The following CSMD1 variants were observed in gnomAD, a reference collection of about 807,000 sequenced individuals.
CSMD1 encodes CUB and Sushi multiple domains 1.
CSMD1 carries 213 observed loss-of-function variants against 417.5 expected under a neutral mutation model. That is an observed-to-expected ratio of 0.51 (90% CI 0.46 to 0.57). CSMD1 has a LOEUF of 0.57. Among genes scored for constraint, CSMD1 ranks in the 20% least tolerant of loss-of-function variants. CSMD1 has a pLI of 0.00. For missense variants in CSMD1, 6,923 were observed against 4,529.7 expected (o/e 1.53, Z -15.17); for synonymous variants, 2,862 against 1,736.8 (o/e 1.65, Z -16.11).
chr8:4,092,260 A>G (rs1800760635), intron 3 of CSMD1, among the ~76,000 whole-genome samples: 1 of 152,134 alleles, frequency 6.6e-6, no homozygotes. Context: ...ACCTCCATTA[A>G]TTTGTTCCAA....
At chr8:3,820,576 T>C (rs889368966) in intron 5 of CSMD1, among the ~76,000 whole-genome samples, 2 of 152,108 alleles carry the variant, frequency 1.3e-5, no homozygotes, top group Non-Finnish European at 2.9e-5. Flanking sequence ...TTTGTTTTTG[T>C]TGTTGTTTGT....
Position 3,943,623 on chromosome 8 carries a change from A to G in CSMD1, c.818+54280T>C, listed in dbSNP as rs190019730. Among the ~76,000 whole-genome samples, 239 of 152,270 alleles carry G rather than the reference A, an allele frequency of 1.6e-3. 1 individual carries two copies. The highest frequency in any genetic ancestry group is 0.014 in the Admixed American group (220 of 15,286). On this transcript the variant is annotated intron_variant, in intron 5 of 69. Transcript: ENST00000635120. ...ATAGCTGGTAAACCCCATGTAACCA[A>G]GAGATCAAAGTTACTATCACAATTA...
In CSMD1 at chr8:3,110,180, C is replaced by G; in HGVS notation, c.6586G>C (p.Val2196Leu). ...TACCAAACAGCAATGTAATCGTTGACAGCTTCCGTCTGTAACAGGGTGAAG... is the reference window on the plus strand; with the variant it reads ...TACCAAACAGCAATGTAATCGTTGAGAGCTTCCGTCTGTAACAGGGTGAAG... ...INFTLLQTEA[V>L]NDYIAVWDGP... Residue 2196 changes from valine to leucine, a missense_variant, in exon 43 of 70, where the codon GTC becomes CTC. Physicochemically the swap from Val to Leu is conservative, Grantham distance 32. Coordinates refer to ENST00000635120, the MANE Select transcript of CSMD1 (RefSeq NM_033225.6). 3 of 1,608,676 alleles carry G rather than the reference C, an allele frequency of 1.9e-6. No homozygotes were observed. Among genetic ancestry groups the G allele is most frequent in the Non-Finnish European group, 2.5e-6 (3 of 1,177,770 alleles).
chr8:3,035,401 C>A (rs1810610626), intron 50 of CSMD1, among the ~76,000 whole-genome samples: 1 of 152,082 alleles, frequency 6.6e-6, no homozygotes, highest in Non-Finnish European at 1.5e-5. Flanking sequence ...TACAGAGGAG[C>A]AAGGAAGCCC....
At chr8:4,029,619 T>C (rs547538526) in intron 4 of CSMD1, among the ~76,000 whole-genome samples, 2 of 152,280 alleles carry the variant, frequency 1.3e-5, no homozygotes, top group South Asian at 4.1e-4. Flanking sequence ...GATGAGGTTT[T>C]GGTAGGGACA....
At chr8:3,285,666 T>C (rs1434620768) in intron 25 of CSMD1, among the ~76,000 whole-genome samples, 1 of 152,078 alleles carries the variant, frequency 6.6e-6, no homozygotes. Flanking sequence ...CCCAAAGTGC[T>C]GTGATTACAG....
intron 1 of CSMD1, among the ~76,000 whole-genome samples, chr8:4,675,291 G>A (rs1371815286): frequency 2.0e-5 from 3 of 152,116 alleles, no homozygotes; most frequent in East Asian, 1.9e-4. Context: ...GGCATTGTTG[G>A]AGCCTAAAGA....
chr8:3,089,266 G>A (rs573892548), intron 48 of CSMD1, among the ~76,000 whole-genome samples: 1 of 152,334 alleles, frequency 6.6e-6, no homozygotes, highest in African/African-American at 2.4e-5. Context: ...GACTGGGACA[G>A]GTGGATATTC....
intron 10 of CSMD1, among the ~76,000 whole-genome samples, chr8:3,509,851 A>T (rs1435825619): frequency 6.6e-6 from 1 of 152,180 alleles, no homozygotes; most frequent in Non-Finnish European, 1.5e-5. Context: ...AGCAATTATC[A>T]GGTTGGACCC....
chr8:4,031,974 C>G lies in CSMD1; in HGVS notation c.541G>C (p.Ala181Pro), dbSNP rs374230800. Residue 181 changes from alanine to proline, a missense_variant, in exon 4 of 70, where the codon GCC (alanine) becomes CCC (proline). By Grantham distance (27) the Ala-to-Pro change is conservative. Transcript: ENST00000635120. ...GGGCTGACGATGCAGGTCAGGATGG[C>G]GTGGCCTTCCAAGATGTAGCCAGGG... ...CLPGYILEGH[A>P]ILTCIVSPGN... 2 of 1,613,788 alleles carry G rather than the reference C, an allele frequency of 1.2e-6. No homozygotes were observed. The highest frequency in any genetic ancestry group is 4.5e-5 in the East Asian group (2 of 44,878).
chr8:4,048,834 C>G (rs141742607), intron 3 of CSMD1, among the ~76,000 whole-genome samples: 26 of 152,276 alleles, frequency 1.7e-4, no homozygotes, highest in African/African-American at 6.3e-4. Flanking sequence ...CAATAGTACA[C>G]CTTAGAAGCC....
In CSMD1 at chr8:4,981,577, T is replaced by C. The variant is rs181434110; in HGVS notation, c.85+12755A>G. ...CTTTTCCTACATTTATTATTTATGT[T>C]TGTTCTTCCTATAAAATACCTATTT... is the stretch of plus-strand genomic sequence containing the variant. On this transcript the variant is annotated intron_variant, in intron 1 of 69. Transcript: ENST00000635120. Among the ~76,000 whole-genome samples the C allele has an allele frequency of 3.3e-5, 5 of 152,332 alleles. No individual in the cohort carries two copies. In the East Asian group the frequency reaches 9.6e-4, roughly 29 times the overall value.
chr8:4,704,935 G>A (rs1191387504), intron 1 of CSMD1, among the ~76,000 whole-genome samples: 3 of 152,130 alleles, frequency 2.0e-5, no homozygotes, highest in Non-Finnish European at 4.4e-5. Flanking sequence ...AACTCCATGG[G>A]TAGTATGGTT....
intron 3 of CSMD1, among the ~76,000 whole-genome samples, chr8:4,168,234 C>G (rs773177802): frequency 3.3e-5 from 5 of 151,326 alleles, no homozygotes; most frequent in Non-Finnish European, 4.4e-5. Context: ...TACACAAACA[C>G]ACACAAAAAA....
chr8:4,345,353 T>A (rs1157677552), intron 3 of CSMD1, among the ~76,000 whole-genome samples: 1 of 152,154 alleles, frequency 6.6e-6, no homozygotes, highest in Admixed American at 6.6e-5. Flanking sequence ...TCCAATTTTG[T>A]TATTTTTGAC....
At chr8:3,683,278 C>T (rs1232061028) in intron 7 of CSMD1, among the ~76,000 whole-genome samples, 1 of 151,450 alleles carries the variant, frequency 6.6e-6, no homozygotes, top group Non-Finnish European at 1.5e-5. Flanking sequence ...CTGTGAATAG[C>T]CTGTGGACCC....
intron 3 of CSMD1, among the ~76,000 whole-genome samples, chr8:4,080,944 C>G (rs776119847): frequency 6.6e-6 from 1 of 152,164 alleles, no homozygotes; most frequent in East Asian, 1.9e-4. Flanking sequence ...GCTCTGGGGA[C>G]TCTACCCTCC....
At chr8:4,568,370 C>T (rs551061175) in intron 2 of CSMD1, among the ~76,000 whole-genome samples, 8 of 152,182 alleles carry the variant, frequency 5.3e-5, no homozygotes, top group East Asian at 1.9e-4. Context: ...TGAGAACATG[C>T]GTTGTTTCGT....
chr8:4,316,582 G>A (rs1052778008), intron 3 of CSMD1, among the ~76,000 whole-genome samples: 2 of 151,842 alleles, frequency 1.3e-5, no homozygotes, highest in Admixed American at 6.6e-5. Context: ...ATATTCCATC[G>A]AGTCCTAAGA....
Sources: gnomAD v4.1 joint callset for allele counts (sites outside exome capture counted in the v4.1 genomes callset) on GRCh38, gnomAD v4.1.1 for gene constraint, MANE v1.5 for transcripts, NCBI Gene and HGNC (gene_info 2026-07-23, HGNC 2026-07-21) for gene names.